Variants in CNNM3 observed in about 807,000 individuals in gnomAD.
CNNM3 encodes the protein metal transporter CNNM3.
A neutral mutation model predicts 57.1 loss-of-function variants in CNNM3; 47 were observed. The observed-to-expected ratio is 0.82, with a 90% CI of 0.65 to 1.05. The LOEUF is 1.05. CNNM3 is among the 50% of genes least tolerant of loss of function. CNNM3 has a pLI of 0.00. For missense variants in CNNM3, 957 were observed against 973.7 expected (o/e 0.98, Z 0.23); for synonymous variants, 507 against 478.2 (o/e 1.06, Z -0.79).
intron 1 of CNNM3, 88 bp from the exon 2 acceptor site, chr2:96,824,970 G>A (rs552968399): frequency 1.5e-5 from 22 of 1,474,660 alleles, no homozygotes; most frequent in Non-Finnish European, 2.0e-5. Flanking sequence ...AACGTTAGCC[G>A]TGTCCTTTTG....
rs1559012028 is a variant in CNNM3 at position 96,826,896 on chromosome 2, TCTC to T, written c.1436_1438del (p.Ser479del). The T allele has an allele frequency of 6.2e-6, 10 of 1,614,112 alleles. No homozygotes were observed. Among genetic ancestry groups the T allele is most frequent in the Admixed American group, 1.7e-5 (1 of 60,024 alleles). ...GCCCCTCTGAAGCGGAAGGAGGAGTTCTCCTTGTTCAAGGTGTCTGATGATGAA... is the reference window on the plus strand; with the variant it reads ...GCCCCTCTGAAGCGGAAGGAGGAGTTCTTGTTCAAGGTGTCTGATGATGAA... On this transcript the variant is annotated inframe_deletion, in exon 3 of 8. Coordinates refer to ENST00000305510, the MANE Select transcript of CNNM3 (RefSeq NM_017623.5).
intron 1 of CNNM3, among the ~76,000 whole-genome samples, chr2:96,818,163 G>A (rs1041818326): frequency 2.6e-5 from 4 of 152,032 alleles, no homozygotes; most frequent in African/African-American, 9.7e-5. Flanking sequence ...TCTTATCACT[G>A]CAACTTTCGC....
At chr2:96,829,255 T>G (rs565586875) in intron 7 of CNNM3, 121 bp downstream of exon 7, 1 of 1,283,740 alleles carries the variant, frequency 7.8e-7, no homozygotes, top group East Asian at 2.9e-5. Context: ...TTTCTCCCCA[T>G]CCTTTTCCCT....
chr2:96,823,213 T>C (rs1398490909), intron 1 of CNNM3, among the ~76,000 whole-genome samples: 1 of 152,218 alleles, frequency 6.6e-6, no homozygotes, highest in South Asian at 2.1e-4. Flanking sequence ...TGGAGAATTG[T>C]GTGCCTTGTT....
At chr2:96,826,805 C>T in intron 2 of CNNM3, 28 bp from the exon 3 acceptor site, 1 of 1,612,890 alleles carries the variant, frequency 6.2e-7, no homozygotes, top group Non-Finnish European at 8.5e-7. Flanking sequence ...TGGCTGATGC[C>T]TGAGCGCGCC....
Position 96,816,692 on chromosome 2 carries a change from C to G in CNNM3, c.415C>G (p.Leu139Val), listed in dbSNP as rs1170974202. Reference sequence around the variant, plus strand: ...GGCGGCGCCGCCCTGGGCTCTGGGCCTGGGGGCGGCCGGGCTGCTGGCGCT... The same window carrying G: ...GGCGGCGCCGCCCTGGGCTCTGGGCGTGGGGGCGGCCGGGCTGCTGGCGCT... ...EEAAPPWALG[L>V]GAAGLLALAA... The change falls in exon 1 of 8, where the codon CTG becomes GTG. Residue 139 changes from leucine (L) to valine (V), a missense_variant. Physicochemically the swap from Leu to Val is conservative, Grantham distance 32. Transcript: ENST00000305510. The G allele has an allele frequency of 3.8e-5, 39 of 1,016,804 alleles. No homozygotes were observed. Among genetic ancestry groups the G allele is most frequent in the Non-Finnish European group, 4.0e-5 (34 of 852,594 alleles). The allele number at this position is 1,016,804 out of a possible 1,614,324, so 63.0% of individuals were successfully genotyped here. A position where few individuals can be genotyped will look rare whatever the true frequency, so the allele number is the denominator to read the frequency against.
chr2:96,829,999 T>C (rs2079574167), intron 7 of CNNM3, among the ~76,000 whole-genome samples: 1 of 152,138 alleles, frequency 6.6e-6, no homozygotes, highest in Admixed American at 6.5e-5. Context: ...GGAAGAAATT[T>C]TGCAAATCGA....
chr2:96,827,165 A>G (rs962855803), intron 3 of CNNM3, among the ~76,000 whole-genome samples, 183 bp downstream of exon 3: 6 of 152,060 alleles, frequency 3.9e-5, no homozygotes, highest in Middle Eastern at 3.2e-3. Context: ...CCTCTCTGCC[A>G]GATGACCAAG....
At position 96,826,976 on chromosome 2, in the gene CNNM3, TC is replaced by T. The variant is rs758500755; in HGVS notation, c.1516del (p.Arg506GlufsTer20). 1 of 1,613,788 alleles carries T rather than the reference TC, an allele frequency of 6.2e-7. No individual in the cohort carries two copies. Among genetic ancestry groups the T allele is most frequent in the Non-Finnish European group, 8.5e-7 (1 of 1,179,900 alleles). On this transcript the variant is annotated frameshift_variant, in exon 3 of 8. Coordinates refer to ENST00000305510, the MANE Select transcript of CNNM3 (RefSeq NM_017623.5). LOFTEE classifies it high-confidence loss of function. Reference sequence around the variant, plus strand: ...GCTCTTGGCCACCCAGCGCTTCCTGTCCCGAGGTGAGGCGGGAGGGTGGTCC... The same window carrying T: ...GCTCTTGGCCACCCAGCGCTTCCTGTCCGAGGTGAGGCGGGAGGGTGGTCC... ...QLLLATQRFL[S>X]REVDVFSPLR... is the part of the protein sequence containing the mutation.
At chr2:96,828,880 C>T (rs1451189855) in intron 6 of CNNM3, 116 bp from the exon 7 acceptor site, 1 of 1,515,750 alleles carries the variant, frequency 6.6e-7, no homozygotes, top group Non-Finnish European at 9.0e-7. Context: ...CTCTTCTCTG[C>T]CCTTAACTAG....
intron 6 of CNNM3, 97 bp downstream of exon 6, chr2:96,828,797 C>A: frequency 6.5e-7 from 1 of 1,538,258 alleles, no homozygotes; most frequent in South Asian, 1.2e-5. Context: ...ACAAGGCCTT[C>A]CACTCATCCT....
At chr2:96,827,073 A>C in intron 3 of CNNM3, 91 bp downstream of exon 3, 2 of 1,429,614 alleles carry the variant, frequency 1.4e-6, no homozygotes, top group Non-Finnish European at 1.9e-6. Context: ...TCTGCTCCCC[A>C]CTCCTAGCAG....
At position 96,817,126 on chromosome 2, in the gene CNNM3, C is replaced by G. The variant is rs750648325; in HGVS notation, c.849C>G (p.Pro283=). 1 of 1,350,458 alleles carries G rather than the reference C, an allele frequency of 7.4e-7. No homozygotes were observed. The highest frequency in any genetic ancestry group is 9.4e-7 in the Non-Finnish European group (1 of 1,061,418). The allele number at this position is 1,350,458 out of a possible 1,614,324, so 83.7% of individuals were successfully genotyped here. ...AGCTGCTGGAGCTGGCGGCGCGGCC[C>G]GGGCGGCTGCGGGAGCGGGTGCTGG... ...VGQLLELAAR[P]GRLRERVLEL... is the part of the protein sequence containing the mutation. The change falls in exon 1 of 8, where the codon CCC becomes CCG. Residue 283 remains proline (P), a synonymous_variant. Transcript: ENST00000305510.
intron 7 of CNNM3, 129 bp from the exon 8 acceptor site, chr2:96,832,423 T>TA: frequency 2.0e-6 from 3 of 1,535,250 alleles, no homozygotes; most frequent in Non-Finnish European, 2.6e-6. Context: ...TCTGCTCTGA[T>TA]ACTTCCCAAG....
rs563778358 is a variant in CNNM3 at position 96,827,739 on chromosome 2, G to A, written c.1528G>A (p.Val510Ile). ...TQRFLSREVD[V>I]FSPLRISEKV... The stretch of plus-strand genomic sequence containing the variant: ...TTTTCCACCACGTGCAGAAGTGGAT[G>A]TATTCAGCCCGCTGCGCATCTCTGA... Residue 510 changes from valine (V) to isoleucine (I), a missense_variant, in exon 4 of 8, where the codon GTA becomes ATA. By Grantham distance (29) the Val-to-Ile change is conservative. This residue lies in a region of CNNM3 where 491 missense variants were observed against 570.6 expected (regional missense o/e 0.86). Coordinates refer to ENST00000305510, the MANE Select transcript of CNNM3 (RefSeq NM_017623.5). 9.9e-6 allele frequency: 16 copies of A among 1,613,346 alleles called. No homozygotes were observed. In the African/African-American group the frequency reaches 1.7e-4, roughly 17 times the overall value.
At chr2:96,818,569 C>G (rs1247730895) in intron 1 of CNNM3, among the ~76,000 whole-genome samples, 1 of 152,126 alleles carries the variant, frequency 6.6e-6, no homozygotes, top group East Asian at 1.9e-4. Flanking sequence ...TCTTTTCTAA[C>G]CCTAAGGTCT....
At chr2:96,828,519 C>A in intron 5 of CNNM3, 48 bp from the exon 6 acceptor site, 1 of 1,611,658 alleles carries the variant, frequency 6.2e-7, no homozygotes, top group Non-Finnish European at 8.5e-7. Flanking sequence ...GGAGGAGGCT[C>A]CCAGCTGCCA....
Position 96,827,618 on chromosome 2 carries a change from A to T in CNNM3, c.1520-113A>T. 3 of 1,103,316 alleles carry T rather than the reference A, an allele frequency of 2.7e-6. No individual in the cohort carries two copies. The South Asian group carries it at 4.5e-5, about 16-fold the overall frequency. The allele number at this position is 1,103,316 out of a possible 1,614,324, so 68.3% of individuals were successfully genotyped here. A position where few individuals can be genotyped will look rare whatever the true frequency, so the allele number is the denominator to read the frequency against. ...TGTTAGGGGCAGCTGCTCACAGGCC[A>T]CCCGGGAGATCCCTGGTGGGCACAA... On this transcript the variant is annotated intron_variant, in intron 3 of 7. Coordinates refer to ENST00000305510, the MANE Select transcript of CNNM3 (RefSeq NM_017623.5).
chr2:96,829,443 G>A (rs1343565475), intron 7 of CNNM3: 2 of 165,164 alleles, frequency 1.2e-5, no homozygotes, highest in African/African-American at 4.8e-5. Flanking sequence ...TGGGAATACA[G>A]GCGCCCACGA....
Sources: allele counts gnomAD v4.1 joint callset (sites outside exome capture counted in the v4.1 genomes callset), GRCh38; gene constraint gnomAD v4.1.1; regional missense constraint gnomAD v4.1.1; transcripts MANE v1.5; gene names NCBI Gene and HGNC (gene_info 2026-07-23, HGNC 2026-07-21).